The following DESI2 variants were observed in gnomAD, a reference collection of about 807,000 sequenced individuals.
The protein encoded by DESI2 is deubiquitinase DESI2.
In DESI2, 10 loss-of-function variants were observed where a neutral mutation model predicts 24.1. That is an observed-to-expected ratio of 0.41 (90% confidence interval 0.26 to 0.70). The LOEUF is 0.70. DESI2 is among the 30% of genes least tolerant of loss of function. DESI2 has a pLI of 0.29. For missense variants in DESI2, 122 were observed against 234.9 expected, an observed-to-expected ratio of 0.52 and a Z score of 3.14; for synonymous variants, 71 against 87.7, an observed-to-expected ratio of 0.81 and a Z score of 1.06.
At chr1:244,669,748 T>C (rs1282270508) in intron 1 of DESI2, among the ~76,000 whole-genome samples, 1 of 152,186 alleles carries the variant, frequency 6.6e-6, no homozygotes, top group Non-Finnish European at 1.5e-5. Context: ...TGTGTATTAG[T>C]ATTAGTGGTC....
At chr1:244,699,578 C>CAAAAAAAAAAAAAAAAAA (rs559295405) in intron 4 of DESI2, among the ~76,000 whole-genome samples, 2 of 66,222 alleles carry the variant, frequency 3.0e-5, no homozygotes, top group African/African-American at 1.0e-4. Context: ...GAGACTGTCT[C>CAAAAAAAAAAAAAAAAAA]AAAAAAAAAA....
intron 4 of DESI2, among the ~76,000 whole-genome samples, chr1:244,696,341 G>C (rs1449135498): frequency 2.0e-5 from 3 of 152,232 alleles, no homozygotes; most frequent in Non-Finnish European, 4.4e-5. Context: ...AGGCAAGATA[G>C]CTGGGCACAG....
chr1:244,702,248 T>C (rs1677494064), intron 4 of DESI2, among the ~76,000 whole-genome samples: 1 of 152,196 alleles, frequency 6.6e-6, no homozygotes, highest in South Asian at 2.1e-4. Flanking sequence ...GCACGGTGGC[T>C]CACGCCTGTA....
chr1:244,683,433 T>C (rs1312345805), intron 1 of DESI2, among the ~76,000 whole-genome samples: 2 of 151,750 alleles, frequency 1.3e-5, no homozygotes, highest in Admixed American at 6.6e-5. Context: ...TGCCTCAGCC[T>C]CCTGAGTAGC....
chr1:244,653,457 C>T (rs955225842), intron 1 of DESI2, 102 bp downstream of exon 1: 1 of 1,240,584 alleles, frequency 8.1e-7, no homozygotes, highest in Non-Finnish European at 1.1e-6. Flanking sequence ...CTGGCGTCTC[C>T]GCCTCCAGCC....
intron 1 of DESI2, among the ~76,000 whole-genome samples, chr1:244,686,266 ATGTG>A (rs71574695): frequency 7.6e-5 from 11 of 145,406 alleles, no homozygotes; most frequent in Non-Finnish European, 7.6e-5. Context: ...GTGTGTGTGT[ATGTG>A]TGTGTGTGTG....
chr1:244,694,866 C>A (rs1477485212), intron 4 of DESI2: 3 of 475,094 alleles, frequency 6.3e-6, no homozygotes, highest in African/African-American at 4.0e-5. Context: ...CCTATAAAGC[C>A]CAAAATATTT....
intron 2 of DESI2, among the ~76,000 whole-genome samples, chr1:244,688,281 C>T (rs912635610): frequency 4.6e-5 from 7 of 152,100 alleles, no homozygotes; most frequent in Non-Finnish European, 1.0e-4. Context: ...CTTATCCCTT[C>T]CAACCTGATA....
At chr1:244,663,172 T>G (rs935130755) in intron 1 of DESI2, among the ~76,000 whole-genome samples, 10 of 152,136 alleles carry the variant, frequency 6.6e-5, no homozygotes, top group Non-Finnish European at 1.2e-4. Flanking sequence ...AAAGCCTGGT[T>G]TAACTTGCAG....
intron 1 of DESI2, 22 bp from the exon 2 acceptor site, chr1:244,686,575 C>G: frequency 5.9e-6 from 9 of 1,524,916 alleles, no homozygotes; most frequent in Non-Finnish European, 7.3e-6. Flanking sequence ...TATTCTGAAT[C>G]TTTTCTTTCT....
At chr1:244,681,578 C>T (rs1409146135) in intron 1 of DESI2, among the ~76,000 whole-genome samples, 2 of 152,178 alleles carry the variant, frequency 1.3e-5, no homozygotes, top group Admixed American at 6.5e-5. Context: ...AACGCACAAC[C>T]TAGATCTCTT....
intron 3 of DESI2, among the ~76,000 whole-genome samples, chr1:244,690,863 T>G (rs1028709328): frequency 9.2e-5 from 14 of 152,342 alleles, no homozygotes; most frequent in African/African-American, 3.4e-4. Context: ...AGCCCTCTAC[T>G]AAGTTCATAG....
In DESI2 at chr1:244,689,181, A is replaced by C; in HGVS notation, c.116-68A>C. The stretch of plus-strand genomic sequence containing the variant: ...TGTCACTGTTATCCTCAATTATTAA[A>C]GCTAATTCAGCATTCTGGTTAAATT... On this transcript the variant is annotated intron_variant, in intron 2 of 4. Coordinates refer to ENST00000302550, the MANE Select transcript of DESI2 (RefSeq NM_016076.5). This position sits in a 1 kb window ranked among gnomAD's most constrained non-coding sequence, Gnocchi z 4.0. 1 of 803,294 alleles carries C rather than the reference A, an allele frequency of 1.2e-6. No homozygotes were observed. The allele number at this position is 803,294 out of a possible 1,614,324, so 49.8% of individuals were successfully genotyped here.
At chr1:244,668,266 A>G (rs1676116202) in intron 1 of DESI2, among the ~76,000 whole-genome samples, 1 of 152,154 alleles carries the variant, frequency 6.6e-6, no homozygotes, top group Non-Finnish European at 1.5e-5. Context: ...CTGACATACA[A>G]TTTAGGGGGG....
chr1:244,697,146 C>T (rs1677247858), intron 4 of DESI2, among the ~76,000 whole-genome samples: 1 of 152,108 alleles, frequency 6.6e-6, no homozygotes, highest in South Asian at 2.1e-4. Context: ...GTATGCTATG[C>T]TGATTCCTGA....
intron 3 of DESI2, 110 bp from the exon 4 acceptor site, chr1:244,691,769 G>A (rs887259407): frequency 2.1e-5 from 17 of 827,980 alleles, no homozygotes; most frequent in African/African-American, 1.1e-4. Context: ...TTGTTATGTC[G>A]ATCATAATAT....
intron 3 of DESI2, 126 bp from the exon 4 acceptor site, chr1:244,691,753 C>T (rs1047534302): frequency 1.7e-5 from 12 of 725,944 alleles, no homozygotes; most frequent in Admixed American, 3.8e-5. Flanking sequence ...TTATATTAAC[C>T]CTGATTTGTT....
chr1:244,654,034 A>G (rs930860916), intron 1 of DESI2: 1 of 470,958 alleles, frequency 2.1e-6, no homozygotes, highest in Non-Finnish European at 4.4e-6. Flanking sequence ...AGGTGATGCA[A>G]CAGGTGACGT....
chr1:244,699,578 C>CAAAAAAA lies in DESI2; in HGVS notation c.352-5946_352-5940dup, dbSNP rs559295405. ...GCCTAGCAACAGAGTGAGACTGTCT[C>CAAAAAAA]AAAAAAAAAAAAAAAAAAAAAAAAA... On this transcript the variant is annotated intron_variant, in intron 4 of 4. Coordinates refer to ENST00000302550, the MANE Select transcript of DESI2 (RefSeq NM_016076.5). Among the ~76,000 whole-genome samples the CAAAAAAA allele has an allele frequency of 2.4e-3, 158 of 66,206 alleles. 6 individuals carry two copies. The highest frequency in any genetic ancestry group is 2.5e-3 in the African/African-American group (49 of 19,286). 43.4% of individuals were successfully genotyped at this position (66,206 alleles called of 152,430 possible).
Sources: gnomAD v4.1 joint callset for allele counts (sites outside exome capture counted in the v4.1 genomes callset) on GRCh38, gnomAD v4.1.1 for gene constraint, Gnocchi (gnomAD v3.1) non-coding constraint, MANE v1.5 for transcripts, NCBI Gene and HGNC (gene_info 2026-07-23, HGNC 2026-07-21) for gene names.